The following WFDC10B variants were observed in gnomAD, a reference collection of about 807,000 sequenced individuals.
The protein encoded by WFDC10B is WAP four-disulfide core domain 10B, also known as protein WFDC10B.
A neutral mutation model predicts 2.7 loss-of-function variants in WFDC10B; 1 was observed. The ratio of observed to expected loss-of-function variants is 0.38; its 90% CI spans 0.13 to 1.79. The LOEUF (loss-of-function observed/expected upper bound fraction) is 1.79. Ranked by LOEUF, WFDC10B falls within the 40% of genes most tolerant of loss-of-function variation. The pLI, the probability that WFDC10B is intolerant of heterozygous loss-of-function variation, is 0.33. For missense variants in WFDC10B, 71 were observed against 87.8 expected, an observed-to-expected ratio of 0.81 and a Z score of 0.76; for synonymous variants, 26 against 32.2, an observed-to-expected ratio of 0.81 and a Z score of 0.65.
chr20:45,684,881 ATT>A lies in WFDC10B; in HGVS notation c.169_170del (p.Asn57Ter). 3 of 1,613,990 alleles carry A rather than the reference ATT, an allele frequency of 1.9e-6. No homozygotes were observed. Among genetic ancestry groups the A allele is most frequent in the Non-Finnish European group, 2.5e-6 (3 of 1,179,932 alleles). ...CACAGAAGGCTGAACAGCATATCTT[ATT>A]TGTTTCACACTTTTGGAAATATGAA... ...HCSYFQKCET[N>X]KICCSAFCGN... is the part of the protein sequence containing the mutation. On this transcript the variant is annotated frameshift_variant, in exon 4 of 4. Coordinates refer to ENST00000330523, the MANE Select transcript of WFDC10B (RefSeq NM_172006.2). LOFTEE classifies it low-confidence loss of function (END_TRUNC).
chr20:45,691,409 G>A (rs955056151), intron 2 of WFDC10B, among the ~76,000 whole-genome samples: 126 of 150,472 alleles, frequency 8.4e-4, no homozygotes, highest in African/African-American at 2.8e-3. Flanking sequence ...TTTCTGTCTC[G>A]TTGATCTGTC....
chr20:45,704,850 C>T (rs1600969286), intron 1 of WFDC10B, 68 bp downstream of exon 1: 1 of 1,524,446 alleles, frequency 6.6e-7, no homozygotes, highest in Non-Finnish European at 9.1e-7. Flanking sequence ...CTGAACACAC[C>T]CACAAATGCC....
Position 45,704,914 on chromosome 20 carries a change from G to T in WFDC10B, c.-130+4C>A. The stretch of plus-strand genomic sequence containing the variant: ...AATCCACCCTTATCCCAGGGACACT[G>T]TACCTGCAGGTGTAACCAAAATCCC... On this transcript the variant is annotated splice_donor_region_variant and intron_variant, in intron 1 of 3. Coordinates refer to ENST00000330523, the MANE Select transcript of WFDC10B (RefSeq NM_172006.2). 1 of 1,613,876 alleles carries T rather than the reference G, an allele frequency of 6.2e-7. No homozygotes were observed. Among genetic ancestry groups the T allele is most frequent in the South Asian group, 1.1e-5 (1 of 91,058 alleles).
chr20:45,699,936 C>CA (rs1289509479), intron 2 of WFDC10B, among the ~76,000 whole-genome samples: 1 of 152,224 alleles, frequency 6.6e-6, no homozygotes, highest in East Asian at 1.9e-4. Flanking sequence ...CTCAGCCTCC[C>CA]AAAGTGCTGG....
chr20:45,702,174 G>A, intron 2 of WFDC10B: 1 of 1,613,322 alleles, frequency 6.2e-7, no homozygotes, highest in Non-Finnish European at 8.5e-7. Context: ...GCCTAGCACT[G>A]CAGCTGGTGC....
In WFDC10B at chr20:45,689,268, G is replaced by A. The variant is rs967059340; in HGVS notation, c.-64-3212C>T. ...GCCTTGGAGTATAGTCTGAAGTCAG[G>A]TAGTGTGATGCCTCCAGCTTTGTTC... On this transcript the variant is annotated intron_variant, in intron 2 of 3. Transcript: ENST00000330523. Among the ~76,000 whole-genome samples the A allele has an allele frequency of 2.5e-3, 380 of 151,982 alleles. 4 individuals are homozygous for A. Among genetic ancestry groups the A allele is most frequent in the Middle Eastern group, 0.01 (3 of 294 alleles).
intron 2 of WFDC10B, among the ~76,000 whole-genome samples, chr20:45,700,909 A>G (rs1311700961): frequency 6.6e-6 from 1 of 152,230 alleles, no homozygotes. Flanking sequence ...GAGAACACAC[A>G]AAGAAACCAT....
At chr20:45,686,753 T>C (rs1372410048) in intron 2 of WFDC10B, among the ~76,000 whole-genome samples, 1 of 151,788 alleles carries the variant, frequency 6.6e-6, no homozygotes, top group Non-Finnish European at 1.5e-5. Flanking sequence ...ACCTCCACCT[T>C]CCAGGTTCAA....
Position 45,704,540 on chromosome 20 carries a change from G to A in WFDC10B, c.-108C>T. ...GATTGCGAGAAAGGATTTCAGTGCT[G>A]TTCCTCCTTCTGTGGGATAGTCTGT... On this transcript the variant is annotated 5_prime_UTR_variant, in exon 2 of 4. Coordinates refer to ENST00000330523, the MANE Select transcript of WFDC10B (RefSeq NM_172006.2). The A allele has an allele frequency of 6.2e-7, 1 of 1,614,190 alleles. No homozygotes were observed. Among genetic ancestry groups the A allele is most frequent in the Non-Finnish European group, 8.5e-7 (1 of 1,180,040 alleles).
At chr20:45,698,525 T>C (rs1405489348) in intron 2 of WFDC10B, among the ~76,000 whole-genome samples, 1 of 150,416 alleles carries the variant, frequency 6.6e-6, no homozygotes, top group Non-Finnish European at 1.5e-5. Context: ...GAAAAAATCA[T>C]CTATCTGGTG....
intron 2 of WFDC10B, 125 bp from the exon 3 acceptor site, chr20:45,686,181 C>G: frequency 3.4e-6 from 4 of 1,161,408 alleles, no homozygotes; most frequent in Non-Finnish European, 4.7e-6. Flanking sequence ...CTGTCCTTCT[C>G]CATGTAGGAT....
intron 3 of WFDC10B, 34 bp from the exon 4 acceptor site, chr20:45,684,994 A>G (rs753972369): frequency 1.9e-6 from 3 of 1,612,446 alleles, no homozygotes; most frequent in Non-Finnish European, 2.5e-6. Context: ...CAATGAAACC[A>G]TGCACCTATA....
intron 2 of WFDC10B, among the ~76,000 whole-genome samples, chr20:45,691,467 A>G (rs2145636809): frequency 6.7e-6 from 1 of 150,356 alleles, no homozygotes; most frequent in South Asian, 2.2e-4. Context: ...AATGTGTGGG[A>G]GTCTAAGTCT....
chr20:45,686,556 C>T (rs757629996), intron 2 of WFDC10B, among the ~76,000 whole-genome samples: 8 of 151,594 alleles, frequency 5.3e-5, no homozygotes, highest in East Asian at 1.9e-4. Flanking sequence ...GGGCGGTGAA[C>T]GTAGCTACAG....
intron 2 of WFDC10B, chr20:45,702,285 G>C: frequency 7.0e-7 from 1 of 1,429,462 alleles, no homozygotes; most frequent in Non-Finnish European, 9.6e-7. Context: ...CTGACAGTCT[G>C]TCACACCTCT....
intron 2 of WFDC10B, among the ~76,000 whole-genome samples, chr20:45,696,885 TG>T: frequency 6.6e-6 from 1 of 152,132 alleles, no homozygotes; most frequent in Non-Finnish European, 1.5e-5. Context: ...CAATCTTAAC[TG>T]ATACAGAAAA....
In WFDC10B at chr20:45,697,742, C is replaced by CTTT. The variant is rs1162470530; in HGVS notation, c.-65+6752_-65+6754dup. Among the ~76,000 whole-genome samples, 18 of 113,400 alleles carry CTTT rather than the reference C, an allele frequency of 1.6e-4. 1 individual carries two copies. The highest frequency in any genetic ancestry group is 2.4e-4 in the African/African-American group (7 of 29,364). 74.4% of individuals were successfully genotyped at this position (113,400 alleles called of 152,430 possible). A position where few individuals can be genotyped will look rare whatever the true frequency, so the allele number is the denominator to read the frequency against. On this transcript the variant is annotated intron_variant, in intron 2 of 3. Coordinates refer to ENST00000330523, the MANE Select transcript of WFDC10B (RefSeq NM_172006.2). Reference sequence around the variant, plus strand: ...CAAGTTCCAACAGGTATTTCTTTTTCTTTTTTTTTTTTTTTTTTTGAGATG... The same window carrying CTTT: ...CAAGTTCCAACAGGTATTTCTTTTTCTTTTTTTTTTTTTTTTTTTTTTGAGATG...
intron 2 of WFDC10B, among the ~76,000 whole-genome samples, chr20:45,690,178 C>G (rs2145636030): frequency 6.6e-6 from 1 of 151,162 alleles, no homozygotes; most frequent in East Asian, 2.0e-4. Context: ...CCTTGCATCC[C>G]AGGGATGAAG....
At position 45,691,354 on chromosome 20, in the gene WFDC10B, C is replaced by T. The variant is rs528613692; in HGVS notation, c.-64-5298G>A. On this transcript the variant is annotated intron_variant, in intron 2 of 3. Coordinates refer to ENST00000330523, the MANE Select transcript of WFDC10B (RefSeq NM_172006.2). The stretch of plus-strand genomic sequence containing the variant: ...GAGTTCTGTAGATGTCTATTAGGTC[C>T]GCTTGGTGCAGAGCTGAGTTCAATT... Among the ~76,000 whole-genome samples, 196 of 151,098 alleles carry T rather than the reference C, an allele frequency of 1.3e-3. 2 individuals are homozygous for T. The highest frequency in any genetic ancestry group is 4.1e-3 in the African/African-American group (167 of 41,192).
Sources: allele counts gnomAD v4.1 joint callset (sites outside exome capture counted in the v4.1 genomes callset), GRCh38; gene constraint gnomAD v4.1.1; transcripts MANE v1.5; gene names NCBI Gene and HGNC (gene_info 2026-07-23, HGNC 2026-07-21).